The following OGA variants were observed in gnomAD, a reference collection of about 807,000 sequenced individuals.
OGA encodes protein O-GlcNAcase.
Under a neutral mutation model 102.0 loss-of-function variants are expected in OGA, and 21 were observed. That is an observed-to-expected ratio of 0.21 (90% CI 0.15 to 0.30). OGA has a LOEUF of 0.30. Among genes scored for constraint, OGA ranks in the 10% least tolerant of loss-of-function variants. OGA has a pLI of 1.00. For synonymous variants in OGA, 408 were observed against 378.2 expected (o/e 1.08, Z -0.91); for missense variants, 765 against 1,107.8 (o/e 0.69, Z 4.39).
chr10:101,808,353 G>T (rs1372363126), intron 4 of OGA, among the ~76,000 whole-genome samples: 1 of 152,132 alleles, frequency 6.6e-6, no homozygotes. Context: ...CAACAAAGTG[G>T]CCTAGCCTCC....
At chr10:101,792,124 T>C (rs896952319) in intron 12 of OGA, among the ~76,000 whole-genome samples, 6 of 152,170 alleles carry the variant, frequency 3.9e-5, no homozygotes, top group South Asian at 2.1e-4. Flanking sequence ...GTTCAAGCCA[T>C]TGTCCGGCCT....
rs770420725 is a variant in OGA at position 101,807,716 on chromosome 10, A to AT, written c.652+13dup. The stretch of plus-strand genomic sequence containing the variant: ...AAGAAGACTAGTTAAATGTAAAGCC[A>AT]TTATATACAATACCTGTGGGACAGA... On this transcript the variant is annotated intron_variant, in intron 5 of 15. Transcript: ENST00000361464. 3 of 1,557,042 alleles carry AT rather than the reference A, an allele frequency of 1.9e-6. No homozygotes were observed. The South Asian group carries it at 3.6e-5, about 19-fold the overall frequency.
chr10:101,794,293 A>C (rs2065291495), intron 10 of OGA, among the ~76,000 whole-genome samples: 1 of 152,242 alleles, frequency 6.6e-6, no homozygotes, highest in Non-Finnish European at 1.5e-5. Context: ...CCTAGATATT[A>C]TACAAATCAA....
At chr10:101,813,479 G>T in intron 2 of OGA, 76 bp downstream of exon 2, 1 of 944,824 alleles carries the variant, frequency 1.1e-6, no homozygotes, top group Non-Finnish European at 1.6e-6. Context: ...GCTATTCACT[G>T]TTAGTATTTC....
At chr10:101,811,627 G>T (rs187436511) in intron 3 of OGA, among the ~76,000 whole-genome samples, 69 of 151,708 alleles carry the variant, frequency 4.5e-4, no homozygotes, top group Non-Finnish European at 7.5e-4. Flanking sequence ...TGCTTGAGCC[G>T]GGGAGATCAA....
intron 3 of OGA, among the ~76,000 whole-genome samples, chr10:101,811,382 C>A (rs1342976918): frequency 7.7e-6 from 1 of 129,674 alleles, no homozygotes; most frequent in East Asian, 2.2e-4. Context: ...CAGCAAGACT[C>A]CATCTCAAAA....
intron 4 of OGA, 29 bp from the exon 5 acceptor site, chr10:101,807,930 G>A (rs986540484): frequency 2.8e-5 from 41 of 1,441,918 alleles, no homozygotes; most frequent in Non-Finnish European, 3.4e-5. Flanking sequence ...AAAGAATCAA[G>A]AGTAAAAAAA....
intron 1 of OGA, among the ~76,000 whole-genome samples, chr10:101,815,237 T>C (rs1008031054): frequency 6.6e-6 from 1 of 152,124 alleles, no homozygotes; most frequent in Non-Finnish European, 1.5e-5. Flanking sequence ...AGCACTTTCA[T>C]CTGGACAATC....
chr10:101,802,348 T>A (rs896474508), intron 7 of OGA, among the ~76,000 whole-genome samples: 13 of 152,122 alleles, frequency 8.5e-5, no homozygotes, highest in African/African-American at 3.1e-4. Flanking sequence ...TACAATTGCC[T>A]ATAAGCCTTA....
At chr10:101,815,963 G>GAAAAAAAAAAAAA (rs1364147466) in intron 1 of OGA, among the ~76,000 whole-genome samples, 3 of 44,830 alleles carry the variant, frequency 6.7e-5, no homozygotes, top group Non-Finnish European at 9.3e-5. Context: ...CAAAAAGAGA[G>GAAAAAAAAAAAAA]AAAAAAAAAA....
intron 6 of OGA, among the ~76,000 whole-genome samples, chr10:101,804,380 C>T (rs2065438869): frequency 6.7e-6 from 1 of 150,308 alleles, no homozygotes; most frequent in African/African-American, 2.5e-5. Flanking sequence ...TCACACCATT[C>T]TCCTGCTTCA....
intron 10 of OGA, 107 bp downstream of exon 10, chr10:101,797,873 G>C (rs1340180799): frequency 8.8e-7 from 1 of 1,130,798 alleles, no homozygotes; most frequent in Non-Finnish European, 1.3e-6. Flanking sequence ...ACGAATTGAA[G>C]AGACTTGGAA....
At position 101,811,574 on chromosome 10, in the gene OGA, G is replaced by A. The variant is rs1030524564; in HGVS notation, c.350-1260C>T. Among the ~76,000 whole-genome samples the A allele has an allele frequency of 7.2e-5, 11 of 151,926 alleles. 1 individual carries two copies. Among genetic ancestry groups the A allele is most frequent in the Admixed American group, 4.6e-4 (7 of 15,238 alleles). ...AAAAATTAGCTGGGTGTGGTGACCC[G>A]CGCTTGTAGTCCCAGCTACTTGGGG... On this transcript the variant is annotated intron_variant, in intron 3 of 15. Coordinates refer to ENST00000361464, the MANE Select transcript of OGA (RefSeq NM_012215.5).
At chr10:101,812,971 T>C (rs1228813936) in intron 3 of OGA, 59 bp downstream of exon 3, 1 of 1,292,446 alleles carries the variant, frequency 7.7e-7, no homozygotes, top group South Asian at 1.2e-5. Context: ...CAACTACATT[T>C]AAAATATAAC....
chr10:101,810,631 A>G (rs1216648082), intron 3 of OGA, among the ~76,000 whole-genome samples: 1 of 152,166 alleles, frequency 6.6e-6, no homozygotes, highest in African/African-American at 2.4e-5. Flanking sequence ...ATCAATAAAC[A>G]TTTTCCTCCC....
rs1265544314 is a variant in OGA at position 101,818,133 on chromosome 10, G to A, written c.-111C>T. On this transcript the variant is annotated 5_prime_UTR_variant, in exon 1 of 16. Coordinates refer to ENST00000361464, the MANE Select transcript of OGA (RefSeq NM_012215.5). ...TTCAGCTCCAAGTGTGCGCCCCTCC[G>A]GCTCCTTCCCCTCCCCCTCTGCCCT... is the stretch of plus-strand genomic sequence containing the variant. 3.6e-6 allele frequency: 5 copies of A among 1,392,168 alleles called. No homozygotes were observed. In the East Asian group the frequency reaches 1.5e-4, roughly 41 times the overall value. 86.2% of individuals were successfully genotyped at this position (1,392,168 alleles called of 1,614,324 possible). A position where few individuals can be genotyped will look rare whatever the true frequency, so the allele number is the denominator to read the frequency against.
rs1357937650 is a variant in OGA at position 101,803,889 on chromosome 10, G to A, written c.882C>T (p.Gly294=). 1 of 1,614,192 alleles carries A rather than the reference G, an allele frequency of 6.2e-7. No individual in the cohort carries two copies. The highest frequency in any genetic ancestry group is 8.5e-7 in the Non-Finnish European group (1 of 1,180,028). Residue 294 remains glycine, a synonymous_variant, in exon 7 of 16, where the codon GGC becomes GGT. Coordinates refer to ENST00000361464, the MANE Select transcript of OGA (RefSeq NM_012215.5). The part of the protein sequence containing the change: ...NDYDQKRLFL[G]PYKGRSTELI... ...GTTCTGTGGATCTTCCTTTGTACGG[G>A]CCCAGAAACAGTCTCTTCTGATCAT... is the stretch of plus-strand genomic sequence containing the variant.
In OGA at chr10:101,787,526, G is replaced by A; in HGVS notation, c.2455-3C>T. On this transcript the variant is annotated splice_polypyrimidine_tract_variant and splice_region_variant and intron_variant, in intron 14 of 15. Transcript: ENST00000361464. ...TCATGGAAACTCAACATTATTTTCT[G>A]GAAAAATTAGAATCTCTTGACTTTC... 6.2e-7 allele frequency: 1 copy of A among 1,600,618 alleles called. No individual in the cohort carries two copies.
rs1345799556 is a variant in OGA, at chr10:101,787,386, G to C, written c.2592C>G (p.Leu864=). 7 of 1,613,528 alleles carry C rather than the reference G, an allele frequency of 4.3e-6. No individual in the cohort carries two copies. In the East Asian group the frequency reaches 1.6e-4, roughly 36 times the overall value. The part of the protein sequence containing the change: ...PSVAKSMMAC[L]LSSLKANGSR... ...CACCATTAGCCTTCAGTGAAGACAG[G>C]AGGCAAGCCATCATGCTTTTGGCCA... Residue 864 remains leucine, a synonymous_variant, in exon 15 of 16, where the codon CTC becomes CTG. Coordinates refer to ENST00000361464, the MANE Select transcript of OGA (RefSeq NM_012215.5).
Sources: allele counts gnomAD v4.1 joint callset (sites outside exome capture counted in the v4.1 genomes callset), GRCh38; gene constraint gnomAD v4.1.1; transcripts MANE v1.5; gene names NCBI Gene and HGNC (gene_info 2026-07-23, HGNC 2026-07-21).